Variants in RHOBTB3 observed in about 807,000 individuals in gnomAD.
The protein encoded by RHOBTB3 is Rho related BTB domain containing 3.
A neutral mutation model predicts 67.2 loss-of-function variants in RHOBTB3; 47 were observed. That is an observed-to-expected ratio of 0.70 (90% CI 0.55 to 0.89). The LOEUF is 0.89. Among genes scored for constraint, RHOBTB3 ranks in the 40% least tolerant of loss-of-function variants. The pLI is 0.00. For synonymous variants in RHOBTB3, 273 were observed against 274.2 expected (o/e 1.00, Z 0.04); for missense variants, 631 against 750.0 (o/e 0.84, Z 1.85).
chr5:95,731,599 G>C lies in RHOBTB3; in HGVS notation c.-84G>C. ...CGCGGCCGGGGATGAGCGGATTGCGGGTGAACTCGCCGCCCGGGGGCCCCG... is the reference window on the plus strand; with the variant it reads ...CGCGGCCGGGGATGAGCGGATTGCGCGTGAACTCGCCGCCCGGGGGCCCCG... On this transcript the variant is annotated 5_prime_UTR_variant, in exon 1 of 12. Coordinates refer to ENST00000379982, the MANE Select transcript of RHOBTB3 (RefSeq NM_014899.4). 1 of 1,589,946 alleles carries C rather than the reference G, an allele frequency of 6.3e-7. No individual in the cohort carries two copies. Among genetic ancestry groups the C allele is most frequent in the Non-Finnish European group, 8.6e-7 (1 of 1,168,746 alleles).
At chr5:95,731,233 C>T, upstream of RHOBTB3, 1 of 1,005,276 alleles carries the variant, frequency 9.9e-7, no homozygotes, top group Non-Finnish European at 1.2e-6. Flanking sequence ...CCGCCCGACC[C>T]CCGGGGCTGG....
At chr5:95,729,301 G>A (rs1278706694), upstream of RHOBTB3, among the ~76,000 whole-genome samples, 2 of 152,024 alleles carry the variant, frequency 1.3e-5, no homozygotes, top group Admixed American at 6.5e-5. Flanking sequence ...GCTTCTTAAG[G>A]TCAATGACCA....
intron 1 of RHOBTB3, among the ~76,000 whole-genome samples, chr5:95,722,490 TA>T (rs1297840692): frequency 6.6e-6 from 1 of 152,104 alleles, no homozygotes; most frequent in Non-Finnish European, 1.5e-5. Context: ...TTTTATAATG[TA>T]AAAGAGGTTT....
chr5:95,720,432 G>C (rs1754835843), intron 1 of RHOBTB3, among the ~76,000 whole-genome samples: 1 of 152,232 alleles, frequency 6.6e-6, no homozygotes, highest in South Asian at 2.1e-4. Context: ...ATTTATATTA[G>C]ATCATAGTGA....
chr5:95,728,475 C>T (rs558504369), upstream of RHOBTB3, among the ~76,000 whole-genome samples: 1 of 152,318 alleles, frequency 6.6e-6, no homozygotes, highest in Admixed American at 6.5e-5. Context: ...TCTTTATGAA[C>T]TTCTGACACA....
chr5:95,747,134 A>G (rs1443239046), intron 3 of RHOBTB3, among the ~76,000 whole-genome samples: 1 of 152,090 alleles, frequency 6.6e-6, no homozygotes, highest in East Asian at 1.9e-4. Context: ...GCCTTGCCCA[A>G]GTTATCCCTG....
At chr5:95,786,746 T>G (rs991934400) in intron 10 of RHOBTB3, among the ~76,000 whole-genome samples, 1 of 152,248 alleles carries the variant, frequency 6.6e-6, no homozygotes, top group Non-Finnish European at 1.5e-5. Flanking sequence ...TTGTAGCTCT[T>G]AAGTTCTATT....
chr5:95,786,728 C>T (rs1233907734), intron 10 of RHOBTB3, among the ~76,000 whole-genome samples: 2 of 152,178 alleles, frequency 1.3e-5, no homozygotes, highest in Non-Finnish European at 2.9e-5. Flanking sequence ...ATTTTCTCCA[C>T]GTTCTTCTTG....
At chr5:95,766,224 T>G (rs1490164427) in intron 7 of RHOBTB3, among the ~76,000 whole-genome samples, 1 of 151,938 alleles carries the variant, frequency 6.6e-6, no homozygotes, top group Non-Finnish European at 1.5e-5. Flanking sequence ...CATAGTAGAT[T>G]AGAGTAAGAA....
intron 9 of RHOBTB3, 147 bp from the exon 10 acceptor site, chr5:95,783,650 C>T (rs947981994): frequency 2.6e-5 from 13 of 508,838 alleles, no homozygotes; most frequent in Admixed American, 1.2e-4. Context: ...CTGACTCCCT[C>T]GAGGCTTTTC....
intron 11 of RHOBTB3, among the ~76,000 whole-genome samples, chr5:95,792,398 AAAAAGAAAAGAAAAGAAAAG>A (rs61678250): frequency 7.7e-6 from 1 of 129,692 alleles, no homozygotes; most frequent in African/African-American, 3.2e-5. Context: ...GAAAAAAAAA[AAAAAGAAAAGAAAAGAAAAG>A]AAAAGAAAAG....
chr5:95,767,909 T>C, intron 7 of RHOBTB3, 137 bp from the exon 8 acceptor site: 1 of 849,910 alleles, frequency 1.2e-6, no homozygotes, highest in Non-Finnish European at 2.0e-6. Flanking sequence ...CTTTGAAACC[T>C]GTGATCAGAG....
chr5:95,766,485 C>A (rs1316778179), intron 7 of RHOBTB3, among the ~76,000 whole-genome samples: 1 of 151,468 alleles, frequency 6.6e-6, no homozygotes, highest in African/African-American at 2.4e-5. Flanking sequence ...AGATTGTGGT[C>A]CTAATGAATC....
At chr5:95,719,975 T>C (rs1283459824) in intron 1 of RHOBTB3, among the ~76,000 whole-genome samples, 1 of 152,202 alleles carries the variant, frequency 6.6e-6, no homozygotes, top group Non-Finnish European at 1.5e-5. Flanking sequence ...ACTGAAAAGA[T>C]AATAATGGGC....
chr5:95,769,362 C>T (rs913577187), intron 8 of RHOBTB3: 3 of 450,270 alleles, frequency 6.7e-6, no homozygotes, highest in Non-Finnish European at 1.3e-5. Context: ...TGTACTTGCA[C>T]TCCCTATGGT....
At chr5:95,732,373 G>A in intron 2 of RHOBTB3, 4 of 573,134 alleles carry the variant, frequency 7.0e-6, no homozygotes, top group Non-Finnish European at 1.2e-5. Flanking sequence ...AGTTGAATGT[G>A]CCAACTCCAA....
At chr5:95,765,170 C>G (rs1422345739) in intron 7 of RHOBTB3, among the ~76,000 whole-genome samples, 1 of 152,130 alleles carries the variant, frequency 6.6e-6, no homozygotes, top group South Asian at 2.1e-4. Flanking sequence ...TTCTCTCCCT[C>G]TCTCTCCAGT....
At chr5:95,732,516 T>C (rs957939787) in intron 2 of RHOBTB3, 5 of 261,034 alleles carry the variant, frequency 1.9e-5, no homozygotes, top group African/African-American at 1.1e-4. Context: ...TACTTTTCAC[T>C]GGGACAGTTC....
chr5:95,782,312 C>A (rs1293552684), intron 9 of RHOBTB3: 2 of 152,068 alleles, frequency 1.3e-5, no homozygotes, highest in African/African-American at 4.8e-5. Flanking sequence ...ACATGAAAAA[C>A]CAGATTTCTA....
Sources: allele counts gnomAD v4.1 joint callset (sites outside exome capture counted in the v4.1 genomes callset), GRCh38; gene constraint gnomAD v4.1.1; transcripts MANE v1.5; gene names NCBI Gene and HGNC (gene_info 2026-07-23, HGNC 2026-07-21).